Variants in THSD4 observed in about 807,000 individuals in gnomAD.
THSD4 encodes thrombospondin type-1 domain-containing protein 4.
THSD4 carries 69 observed loss-of-function variants against 119.0 expected under a neutral mutation model. The ratio of observed to expected loss-of-function variants is 0.58; its 90% CI spans 0.48 to 0.71. The LOEUF is 0.71. THSD4 is among the 30% of genes least tolerant of loss of function. THSD4 has a pLI of 0.00. For synonymous variants in THSD4, 524 were observed against 540.4 expected, an observed-to-expected ratio of 0.97 and a Z score of 0.42; for missense variants, 1,393 against 1,391.1, an observed-to-expected ratio of 1.00 and a Z score of -0.02.
chr15:71,139,565 G>A (rs2040582781), intron 1 of THSD4, among the ~76,000 whole-genome samples: 1 of 152,158 alleles, frequency 6.6e-6, no homozygotes, highest in Admixed American at 6.5e-5. Flanking sequence ...TCAATACCAG[G>A]AGTAATTTCA....
chr15:71,532,279 AGAGAGTGT>A (rs1439362198), intron 7 of THSD4, among the ~76,000 whole-genome samples: 9 of 119,996 alleles, frequency 7.5e-5, no homozygotes, highest in Admixed American at 2.5e-4. Flanking sequence ...AGAGAGAGAG[AGAGAGTGT>A]GTGTGTGTGT....
At chr15:71,327,074 G>A (rs2045355535) in intron 6 of THSD4, among the ~76,000 whole-genome samples, 1 of 151,760 alleles carries the variant, frequency 6.6e-6, no homozygotes, top group Non-Finnish European at 1.5e-5. Flanking sequence ...TTCTGAGACG[G>A]GAGAATCGCT....
At chr15:71,454,340 A>T (rs2047307689) in intron 7 of THSD4, among the ~76,000 whole-genome samples, 1 of 152,230 alleles carries the variant, frequency 6.6e-6, no homozygotes, top group Non-Finnish European at 1.5e-5. Context: ...AAAGGTAATA[A>T]ACCTTAATAC....
chr15:71,245,114 G>C (rs2044188811), intron 5 of THSD4, among the ~76,000 whole-genome samples: 1 of 152,182 alleles, frequency 6.6e-6, no homozygotes, highest in South Asian at 2.1e-4. Context: ...ATTCTCGTGA[G>C]GTCATGGTGT....
chr15:71,132,039 C>T (rs1483694088), intron 1 of THSD4, among the ~76,000 whole-genome samples: 1 of 152,140 alleles, frequency 6.6e-6, no homozygotes, highest in Non-Finnish European at 1.5e-5. Context: ...GGGTTTGTGG[C>T]AGAGTAACCC....
chr15:71,490,206 C>G lies in THSD4; in HGVS notation c.1152+78383C>G, dbSNP rs149601116. Reference sequence around the variant, plus strand: ...TTTGGAGGCCGAGGCAGGTGGATCACCTGAGGTCAGGAGTTCGAGACCAGT... The same window carrying G: ...TTTGGAGGCCGAGGCAGGTGGATCAGCTGAGGTCAGGAGTTCGAGACCAGT... On this transcript the variant is annotated intron_variant, in intron 7 of 17. Transcript: ENST00000261862. Among the ~76,000 whole-genome samples the G allele has an allele frequency of 8.0e-3, 1,211 of 151,716 alleles. 19 individuals are homozygous for G. The highest frequency in any genetic ancestry group is 0.027 in the African/African-American group (1,101 of 41,312).
chr15:71,714,159 ATTC>A (rs2141097941), intron 8 of THSD4, among the ~76,000 whole-genome samples: 1 of 152,338 alleles, frequency 6.6e-6, no homozygotes, highest in Non-Finnish European at 1.5e-5. Flanking sequence ...TCCTGAACCT[ATTC>A]TTCTCATCCA....
intron 6 of THSD4, among the ~76,000 whole-genome samples, chr15:71,361,826 T>C (rs1229266546): frequency 2.0e-5 from 3 of 152,192 alleles, no homozygotes; most frequent in Non-Finnish European, 4.4e-5. Context: ...AAAATGAGAC[T>C]TTGTGTATGT....
chr15:71,760,321 CTG>C (rs1400106994), intron 15 of THSD4, among the ~76,000 whole-genome samples: 1 of 152,214 alleles, frequency 6.6e-6, no homozygotes, highest in Admixed American at 6.5e-5. Flanking sequence ...AAAAGCCAGT[CTG>C]AGAGAATGAG....
At chr15:71,204,410 C>A (rs1216622011) in intron 3 of THSD4, among the ~76,000 whole-genome samples, 1 of 152,220 alleles carries the variant, frequency 6.6e-6, no homozygotes, top group Non-Finnish European at 1.5e-5. Flanking sequence ...AGCCTCTTTG[C>A]TGGCAGTGGG....
At chr15:71,585,137 G>A (rs1208628340) in intron 7 of THSD4, among the ~76,000 whole-genome samples, 1 of 152,044 alleles carries the variant, frequency 6.6e-6, no homozygotes, top group Non-Finnish European at 1.5e-5. Flanking sequence ...TACAATATTG[G>A]GTTATTCTGA....
intron 7 of THSD4, among the ~76,000 whole-genome samples, chr15:71,538,584 C>T (rs895786245): frequency 2.6e-5 from 4 of 152,160 alleles, no homozygotes; most frequent in Admixed American, 2.6e-4. Flanking sequence ...ATAATTATTG[C>T]TTGAAGCAGT....
At chr15:71,655,077 G>A (rs1242253535) in intron 7 of THSD4, among the ~76,000 whole-genome samples, 1 of 152,140 alleles carries the variant, frequency 6.6e-6, no homozygotes, top group African/African-American at 2.4e-5. Flanking sequence ...GATGGCTTGC[G>A]ATGTGTAAAA....
At chr15:71,537,542 A>G (rs539296415) in intron 7 of THSD4, among the ~76,000 whole-genome samples, 5 of 152,136 alleles carry the variant, frequency 3.3e-5, no homozygotes, top group South Asian at 2.1e-4. Flanking sequence ...ATATTACCAT[A>G]TATCTTTCCT....
At chr15:71,118,399 G>A (rs2040381061) in intron 1 of THSD4, among the ~76,000 whole-genome samples, 1 of 152,048 alleles carries the variant, frequency 6.6e-6, no homozygotes, top group Non-Finnish European at 1.5e-5. Context: ...GCCAGGCAGT[G>A]TATCCCACCC....
chr15:71,129,596 A>G (rs983505762), intron 1 of THSD4, among the ~76,000 whole-genome samples: 1 of 152,144 alleles, frequency 6.6e-6, no homozygotes, highest in African/African-American at 2.4e-5. Flanking sequence ...AACATTTTCT[A>G]ATTTATGTGA....
chr15:71,318,069 G>T (rs555463496), intron 6 of THSD4, among the ~76,000 whole-genome samples: 2 of 152,266 alleles, frequency 1.3e-5, no homozygotes, highest in Non-Finnish European at 2.9e-5. Flanking sequence ...TGGCTTTTGG[G>T]GGGCAGTAGG....
chr15:71,311,972 C>G (rs906902445), intron 6 of THSD4, among the ~76,000 whole-genome samples: 2 of 152,124 alleles, frequency 1.3e-5, no homozygotes, highest in African/African-American at 4.8e-5. Context: ...CCCCATAGCC[C>G]GTGCTCCACA....
At chr15:71,281,900 C>G (rs563273825) in intron 6 of THSD4, among the ~76,000 whole-genome samples, 2 of 152,288 alleles carry the variant, frequency 1.3e-5, no homozygotes, top group East Asian at 3.9e-4. Context: ...GTTTCACTGT[C>G]CTTTGGCTTT....
Sources: allele counts gnomAD v4.1 joint callset (sites outside exome capture counted in the v4.1 genomes callset), GRCh38; gene constraint gnomAD v4.1.1; transcripts MANE v1.5; gene names NCBI Gene and HGNC (gene_info 2026-07-23, HGNC 2026-07-21).